The following EZH2 variants were observed in gnomAD, a reference collection of about 807,000 sequenced individuals.
The protein encoded by EZH2 is enhancer of zeste 2 polycomb repressive complex 2 subunit.
Under a neutral mutation model 98.4 loss-of-function variants are expected in EZH2, and 18 were observed. That is an observed-to-expected ratio of 0.18 (90% CI 0.13 to 0.27). The LOEUF (loss-of-function observed/expected upper bound fraction) is 0.27. Among genes scored for constraint, EZH2 ranks in the 10% least tolerant of loss-of-function variants. The pLI is 1.00. For synonymous variants in EZH2, 338 were observed against 312.3 expected (o/e 1.08, Z -0.87); for missense variants, 470 against 935.1 (o/e 0.50, Z 6.49).
chr7:148,863,096 A>AGAAAG (rs1554421264), intron 1 of EZH2, among the ~76,000 whole-genome samples: 3 of 144,536 alleles, frequency 2.1e-5, no homozygotes, highest in Admixed American at 7.1e-5. Context: ...AAAAAAAAAA[A>AGAAAG]AAAGAAAGAA....
At chr7:148,881,972 GCACACACACACACACACA>G (rs3059438) in intron 1 of EZH2, among the ~76,000 whole-genome samples, 1 of 131,780 alleles carries the variant, frequency 7.6e-6, no homozygotes, top group Non-Finnish European at 1.6e-5. Context: ...ACACGCGCGC[GCACACACACACACACACA>G]CACACACACA....
At chr7:148,825,245 A>T (rs770981399) in intron 8 of EZH2, among the ~76,000 whole-genome samples, 7 of 152,234 alleles carry the variant, frequency 4.6e-5, no homozygotes, top group Non-Finnish European at 1.0e-4. Context: ...TTAAAATGAA[A>T]TTCAAGACAA....
intron 17 of EZH2, among the ~76,000 whole-genome samples, chr7:148,809,927 C>T (rs1802562562): frequency 6.6e-6 from 1 of 152,358 alleles, no homozygotes; most frequent in South Asian, 2.1e-4. Context: ...TCCTCTCAGT[C>T]CTTTGAGAAT....
chr7:148,843,060 T>C (rs1255079338), intron 3 of EZH2, among the ~76,000 whole-genome samples: 8 of 151,818 alleles, frequency 5.3e-5, no homozygotes, highest in Admixed American at 5.3e-4. Flanking sequence ...ATACAAAAAC[T>C]AGCCGGGCGT....
At chr7:148,812,494 C>T (rs901210210) in intron 15 of EZH2, among the ~76,000 whole-genome samples, 3 of 152,180 alleles carry the variant, frequency 2.0e-5, no homozygotes, top group East Asian at 1.9e-4. Context: ...TTACCACTCA[C>T]CTGTCATGTG....
intron 3 of EZH2, among the ~76,000 whole-genome samples, chr7:148,837,931 A>C (rs1409437352): frequency 6.6e-6 from 1 of 152,236 alleles, no homozygotes; most frequent in African/African-American, 2.4e-5. Context: ...TCTACCCTAC[A>C]ACACAAGGGT....
chr7:148,839,600 A>C (rs1811908699), intron 3 of EZH2, among the ~76,000 whole-genome samples: 1 of 151,750 alleles, frequency 6.6e-6, no homozygotes, highest in South Asian at 2.1e-4. Context: ...TTTGAGATTG[A>C]GTCTTGTGAT....
chr7:148,810,175 T>C (rs1802633527), intron 17 of EZH2, 158 bp downstream of exon 17: 1 of 504,540 alleles, frequency 2.0e-6, no homozygotes, highest in Non-Finnish European at 3.7e-6. Flanking sequence ...AGGAATTCCT[T>C]GCTCCAGTTC....
intron 8 of EZH2, among the ~76,000 whole-genome samples, chr7:148,822,640 T>C (rs553366809): frequency 6.6e-5 from 10 of 151,952 alleles, no homozygotes; most frequent in Middle Eastern, 3.2e-3. Context: ...AAAAGATCTA[T>C]GAGACCAAGA....
At chr7:148,861,250 A>G (rs1405505384) in intron 1 of EZH2, among the ~76,000 whole-genome samples, 2 of 147,084 alleles carry the variant, frequency 1.4e-5, no homozygotes, top group African/African-American at 5.1e-5. Flanking sequence ...TTTTGGAGAC[A>G]GAGTCTCACT....
chr7:148,869,821 C>T (rs192950702), intron 1 of EZH2, among the ~76,000 whole-genome samples: 123 of 141,912 alleles, frequency 8.7e-4, no homozygotes, highest in African/African-American at 3.5e-3. Flanking sequence ...GAGAGATCCA[C>T]AAAAGCTACG....
chr7:148,866,157 T>C (rs1464544965), intron 1 of EZH2, among the ~76,000 whole-genome samples: 2 of 152,124 alleles, frequency 1.3e-5, no homozygotes, highest in African/African-American at 4.8e-5. Flanking sequence ...ATCACAAATA[T>C]AAACACACTG....
At chr7:148,829,921 T>G in intron 4 of EZH2, 73 bp from the exon 5 acceptor site, 1 of 1,143,910 alleles carries the variant, frequency 8.7e-7, no homozygotes, top group Non-Finnish European at 1.2e-6. Context: ...AAATACAACC[T>G]TTTTTTCATG....
chr7:148,859,538 A>AACAACAAC (rs1478337839), intron 1 of EZH2, among the ~76,000 whole-genome samples: 1 of 105,722 alleles, frequency 9.5e-6, no homozygotes, highest in Non-Finnish European at 2.1e-5. Context: ...ACAACAACAA[A>AACAACAAC]GTAAAATGTT....
At chr7:148,834,352 T>TATATATATATATATATATATATATATAC (rs1321608007) in intron 3 of EZH2, among the ~76,000 whole-genome samples, 1 of 143,318 alleles carries the variant, frequency 7.0e-6, no homozygotes, top group African/African-American at 2.6e-5. Context: ...TATATATATA[T>TATATATATATATATATATATATATATAC]ACACACACAC....
rs910671757 is a variant in EZH2 at position 148,826,208 on chromosome 7, G to GA, written c.907+245dup. ...AACTGCTTAGTTAGCACTTACGGGGGAAAAAAAAAAAAATCACTGACCTGA... is the reference window on the plus strand; with the variant it reads ...AACTGCTTAGTTAGCACTTACGGGGGAAAAAAAAAAAAAATCACTGACCTGA... On this transcript the variant is annotated intron_variant, in intron 8 of 19. Coordinates refer to ENST00000320356, the MANE Select transcript of EZH2 (RefSeq NM_004456.5). Among the ~76,000 whole-genome samples, 567 of 138,694 alleles carry GA rather than the reference G, an allele frequency of 4.1e-3. 5 individuals carry two copies. The highest frequency in any genetic ancestry group is 0.04 in the South Asian group (180 of 4,464). The allele number at this position is 138,694 out of a possible 152,430, so 91.0% of individuals were successfully genotyped here. A position where few individuals can be genotyped will look rare whatever the true frequency, so the allele number is the denominator to read the frequency against.
chr7:148,847,774 A>G (rs1814544993), intron 1 of EZH2, among the ~76,000 whole-genome samples: 1 of 152,222 alleles, frequency 6.6e-6, no homozygotes, highest in Non-Finnish European at 1.5e-5. Flanking sequence ...TAGAAAACAT[A>G]CAGTTCACCA....
intron 3 of EZH2, among the ~76,000 whole-genome samples, chr7:148,837,407 G>C (rs985475501): frequency 3.3e-5 from 5 of 152,180 alleles, no homozygotes; most frequent in Non-Finnish European, 2.9e-5. Flanking sequence ...GAAAGCATCA[G>C]CTGTCACCAA....
intron 1 of EZH2, chr7:148,850,611 T>C (rs73471837): frequency 0.019 from 3,399 of 176,100 alleles, 113 homozygotes; most frequent in African/African-American, 0.077. Flanking sequence ...ATTTATAACA[T>C]ATTAAAATCA....
Sources: allele counts gnomAD v4.1 joint callset (sites outside exome capture counted in the v4.1 genomes callset), GRCh38; gene constraint gnomAD v4.1.1; transcripts MANE v1.5; gene names NCBI Gene and HGNC (gene_info 2026-07-23, HGNC 2026-07-21).